Variants in SIGLEC1 observed in about 807,000 individuals in gnomAD.
SIGLEC1 encodes the protein sialoadhesin.
SIGLEC1 carries 132 observed loss-of-function variants against 148.0 expected under a neutral mutation model. The observed-to-expected ratio is 0.89, with a 90% confidence interval of 0.77 to 1.03. The LOEUF is 1.03. Among genes scored for constraint, SIGLEC1 ranks in the 50% least tolerant of loss-of-function variants. SIGLEC1 has a pLI of 0.00. For missense variants in SIGLEC1, 2,253 were observed against 2,271.4 expected, an observed-to-expected ratio of 0.99 and a Z score of 0.16; for synonymous variants, 945 against 969.0, an observed-to-expected ratio of 0.98 and a Z score of 0.46.
At chr20:3,702,655 A>T (rs2087861238) in intron 6 of SIGLEC1, among the ~76,000 whole-genome samples, 1 of 152,180 alleles carries the variant, frequency 6.6e-6, no homozygotes, top group African/African-American at 2.4e-5. Context: ...GTGGATATGT[A>T]AGAGAATGAT....
chr20:3,692,802 C>T, intron 15 of SIGLEC1, 30 bp from the exon 16 acceptor site: 1 of 1,600,770 alleles, frequency 6.2e-7, no homozygotes, highest in Non-Finnish European at 8.5e-7. Flanking sequence ...ATCAGCCGGG[C>T]CCAGCCGGAC....
intron 7 of SIGLEC1, among the ~76,000 whole-genome samples, chr20:3,700,440 CT>C (rs2087841678): frequency 6.6e-6 from 1 of 151,018 alleles, no homozygotes. Context: ...TTTTAATTAG[CT>C]GGGTGTGGTG....
intron 15 of SIGLEC1, 26 bp from the exon 16 acceptor site, chr20:3,692,798 C>T (rs3746637): frequency 0.16 from 250,993 of 1,601,248 alleles, 21,182 homozygotes; most frequent in East Asian, 0.32. Context: ...CAGGATCAGC[C>T]GGGCCCAGCC....
chr20:3,688,689 T>G, intron 21 of SIGLEC1, 70 bp from the exon 22 acceptor site: 1 of 1,224,850 alleles, frequency 8.2e-7, no homozygotes, highest in Non-Finnish European at 1.1e-6. Flanking sequence ...GCCCCCAGCC[T>G]CAGGTGGGGT....
chr20:3,703,756 C>T, intron 5 of SIGLEC1, 69 bp downstream of exon 5: 1 of 1,589,036 alleles, frequency 6.3e-7, no homozygotes, highest in South Asian at 1.1e-5. Context: ...TGCCCTGTCT[C>T]CCCTCCGTCC....
In SIGLEC1 at chr20:3,693,607, C is replaced by G. The variant is rs1198723525; in HGVS notation, c.3348G>C (p.Gln1116His). 6.2e-7 allele frequency: 1 copy of G among 1,612,842 alleles called. No homozygotes were observed. The highest frequency in any genetic ancestry group is 1.7e-5 in the Admixed American group (1 of 59,982). Residue 1116 changes from glutamine to histidine, a missense_variant, in exon 14 of 22, where the codon CAG becomes CAC. Physicochemically the swap from Gln to His is conservative, Grantham distance 24. Transcript: ENST00000344754. ...TCLVWTTHPA[Q>H]LTYTWYQDGQ... Reference sequence around the variant, plus strand: ...CATCCTGGTACCATGTGTAGGTGAGCTGGGCCGGGTGAGTGGTCCACACAA... The same window carrying G: ...CATCCTGGTACCATGTGTAGGTGAGGTGGGCCGGGTGAGTGGTCCACACAA...
chr20:3,709,436 T>C (rs534552531), intron 1 of SIGLEC1, among the ~76,000 whole-genome samples: 1 of 152,278 alleles, frequency 6.6e-6, no homozygotes, highest in East Asian at 1.9e-4. Context: ...CAATAAATAT[T>C]GGTGAGGATG....
At position 3,694,642 on chromosome 20, in the gene SIGLEC1, G is replaced by A. The variant is rs531744717; in HGVS notation, c.2944+21C>T. On this transcript the variant is annotated intron_variant, in intron 12 of 21. Transcript: ENST00000344754. ...GGACTGCATTCCTTCCCCCACACCTGGATGGGACAAAAGTCCTTACAGGAC... is the reference window on the plus strand; with the variant it reads ...GGACTGCATTCCTTCCCCCACACCTAGATGGGACAAAAGTCCTTACAGGAC... The A allele has an allele frequency of 5.6e-6, 9 of 1,600,682 alleles. No homozygotes were observed. The African/African-American group carries it at 9.4e-5, about 17-fold the overall frequency.
rs1310566547 is a variant in SIGLEC1 at position 3,693,552 on chromosome 20, G to T, written c.3403C>A (p.Pro1135Thr). The T allele has an allele frequency of 2.5e-6, 4 of 1,612,680 alleles. No individual in the cohort carries two copies. The highest frequency in any genetic ancestry group is 4.5e-5 in the East Asian group (2 of 44,872). ...GQQRLDAHSI[P>T]LPNVTVRDAT... ...TCCCTGACTGTGACGTTGGGCAGGG[G>T]GATGGAGTGGGCATCCAGGCGCTGC... The change falls in exon 14 of 22, where the codon CCC becomes ACC. Residue 1135 changes from proline (P) to threonine (T), a missense_variant. Transcript: ENST00000344754.
In SIGLEC1 at chr20:3,711,519, GC is replaced by G. The variant is rs201806439; in HGVS notation, c.-110+950del. On this transcript the variant is annotated intron_variant, in intron 1 of 21. Coordinates refer to ENST00000344754, the MANE Select transcript of SIGLEC1 (RefSeq NM_023068.4). Reference sequence around the variant, plus strand: ...TCAGTTTCTGTTTCCTGACACCAAGGCTTCTCCCCAACTTCCCCATTGGGCT... The same window carrying G: ...TCAGTTTCTGTTTCCTGACACCAAGGTTCTCCCCAACTTCCCCATTGGGCT... 8.6e-3 allele frequency among the ~76,000 whole-genome samples: 1,305 copies of G among 152,284 alleles called. 16 individuals are homozygous for G. The highest frequency in any genetic ancestry group is 0.029 in the African/African-American group (1,209 of 41,548).
chr20:3,689,371 T>C, intron 20 of SIGLEC1, 144 bp from the exon 21 acceptor site: 1 of 767,718 alleles, frequency 1.3e-6, no homozygotes, highest in Non-Finnish European at 2.2e-6. Flanking sequence ...TCTTCCTCCC[T>C]AGCCCTTGCT....
chr20:3,692,830 T>C (rs1353322912), intron 15 of SIGLEC1, 32 bp downstream of exon 15: 2 of 1,601,254 alleles, frequency 1.2e-6, no homozygotes, highest in Non-Finnish European at 1.7e-6. Flanking sequence ...TGGGCTTCCA[T>C]CCCAGTGGGC....
In SIGLEC1 at chr20:3,690,113, A is replaced by T. The variant is rs1476042746; in HGVS notation, c.4743T>A (p.Ala1581=). ...RLVASSQPQG[A]PAEPHIHVLA... The stretch of plus-strand genomic sequence containing the variant: ...GGACATGGATGTGTGGCTCTGCAGG[A>T]GCACCCTGGGGCTGACTGGAGGCCA... The change falls in exon 19 of 22, where the codon GCT becomes GCA. Residue 1581 remains alanine (A), a synonymous_variant. Transcript: ENST00000344754. 5 of 1,610,528 alleles carry T rather than the reference A, an allele frequency of 3.1e-6. No homozygotes were observed. The highest frequency in any genetic ancestry group is 4.2e-6 in the Non-Finnish European group (5 of 1,178,946).
At chr20:3,695,217 G>C (rs1417686160) in intron 11 of SIGLEC1, among the ~76,000 whole-genome samples, 8 of 152,214 alleles carry the variant, frequency 5.3e-5, no homozygotes, top group Admixed American at 4.6e-4. Flanking sequence ...GGACTTGTGT[G>C]ACCTGTAACC....
chr20:3,687,358 C>A lies in SIGLEC1; in HGVS notation c.*1202G>T, dbSNP rs933452371. 1 of 152,252 alleles carries A rather than the reference C, an allele frequency of 6.6e-6. No individual in the cohort carries two copies. The highest frequency in any genetic ancestry group is 2.4e-5 in the African/African-American group (1 of 41,458). The allele number at this position is 152,252 out of a possible 1,614,324, so 9.4% of individuals were successfully genotyped here. On this transcript the variant is annotated 3_prime_UTR_variant, in exon 22 of 22. Coordinates refer to ENST00000344754, the MANE Select transcript of SIGLEC1 (RefSeq NM_023068.4). ...TCCAGGAAAAGGACAGGAGCTCACA[C>A]AGTCATGAACAGAGATGCATCTGGA...
In SIGLEC1 at chr20:3,697,332, C is replaced by T; in HGVS notation, c.2133G>A (p.Leu711=). ...GAAGTGTGTGTGATGGTGCAATGGCCAGGACAGTGGCTGGAGAGCAGGCGG... is the reference window on the plus strand; with the variant it reads ...GAAGTGTGTGTGATGGTGCAATGGCTAGGACAGTGGCTGGAGAGCAGGCGG... ...SATFNGQATV[L]AIAPSHTLQE... The change falls in exon 10 of 22, where the codon CTG becomes CTA. Residue 711 remains leucine (L), a synonymous_variant. Transcript: ENST00000344754. The T allele has an allele frequency of 6.2e-7, 1 of 1,613,748 alleles. No individual in the cohort carries two copies. Among genetic ancestry groups the T allele is most frequent in the Non-Finnish European group, 8.5e-7 (1 of 1,179,952 alleles).
At chr20:3,696,129 T>TATATATATATACACACACACACAC (rs11087599) in intron 11 of SIGLEC1, among the ~76,000 whole-genome samples, 1 of 142,426 alleles carries the variant, frequency 7.0e-6, no homozygotes, top group African/African-American at 2.7e-5. Flanking sequence ...ACTATATATA[T>TATATATATATACACACACACACAC]ACACACACAC....
In SIGLEC1 at chr20:3,688,449, C is replaced by T. The variant is rs2088720507; in HGVS notation, c.*111G>A. On this transcript the variant is annotated 3_prime_UTR_variant, in exon 22 of 22. Coordinates refer to ENST00000344754, the MANE Select transcript of SIGLEC1 (RefSeq NM_023068.4). ...TCATAAAAAGTCAGATGTCACAGAG[C>T]TGTTTTCGTAGAGGCGGGCAGGACT... 1 of 922,582 alleles carries T rather than the reference C, an allele frequency of 1.1e-6. No individual in the cohort carries two copies. Among genetic ancestry groups the T allele is most frequent in the Non-Finnish European group, 1.7e-6 (1 of 577,370 alleles). 57.1% of individuals were successfully genotyped at this position (922,582 alleles called of 1,614,324 possible).
Position 3,692,094 on chromosome 20 carries a change from G to A in SIGLEC1, c.4139C>T (p.Ser1380Phe), listed in dbSNP as rs143459734. Residue 1380 changes from serine (S) to phenylalanine (F), a missense_variant, in exon 17 of 22, where the codon TCT becomes TTT. Ser to Phe is a radical substitution (Grantham distance 155). Transcript: ENST00000344754. ...DSEPPAELAL[S>F]HDGKVLATSS... ...CGTGGCCAGCACCTTGCCATCATGA[G>A]ATAGGGCCAGCTCAGCAGGTGGCTC... 2.7e-4 allele frequency: 427 copies of A among 1,609,242 alleles called. No homozygotes were observed. The East Asian group carries it at 4.0e-3, about 15-fold the overall frequency.
Sources: gnomAD v4.1 joint callset for allele counts (sites outside exome capture counted in the v4.1 genomes callset) on GRCh38, gnomAD v4.1.1 for gene constraint, MANE v1.5 for transcripts, NCBI Gene and HGNC (gene_info 2026-07-23, HGNC 2026-07-21) for gene names.